CMKLR1: variants seen among roughly 807,000 people sequenced by gnomAD.
CMKLR1 encodes the protein chemerin chemokine-like receptor 1, also known as chemerin-like receptor 1.
Under a neutral mutation model 8.2 loss-of-function variants are expected in CMKLR1, and 6 were observed. That is an observed-to-expected ratio of 0.73 (90% CI 0.40 to 1.44). The LOEUF (loss-of-function observed/expected upper bound fraction) is 1.44, where lower values mean the gene tolerates loss of function less well. Among genes scored for constraint, CMKLR1 ranks in the 40% most tolerant of loss-of-function variants. The pLI is 0.02. For synonymous variants in CMKLR1, 178 were observed against 181.2 expected (o/e 0.98, Z 0.14); for missense variants, 429 against 478.0 (o/e 0.90, Z 0.96).
At chr12:108,306,169 C>T (rs769539212) in intron 2 of CMKLR1, among the ~76,000 whole-genome samples, 1 of 152,186 alleles carries the variant, frequency 6.6e-6, no homozygotes, top group Admixed American at 6.5e-5. Flanking sequence ...CAACTGCAGG[C>T]GTGGAGCGTG....
intron 2 of CMKLR1, among the ~76,000 whole-genome samples, chr12:108,296,824 A>C (rs904664621): frequency 7.2e-6 from 1 of 139,100 alleles, no homozygotes; most frequent in African/African-American, 2.9e-5. Flanking sequence ...GACTGTCTTC[A>C]AAAAAAAAAA....
chr12:108,319,303 G>A (rs776757674), intron 2 of CMKLR1, among the ~76,000 whole-genome samples: 1 of 152,120 alleles, frequency 6.6e-6, no homozygotes, highest in Non-Finnish European at 1.5e-5. Context: ...CAACATTGAG[G>A]ACCACCCCTA....
intron 2 of CMKLR1, among the ~76,000 whole-genome samples, chr12:108,298,850 C>A (rs1891198092): frequency 6.6e-6 from 1 of 152,210 alleles, no homozygotes; most frequent in South Asian, 2.1e-4. Flanking sequence ...GCTCTTATCC[C>A]CCTGAGTCAG....
At chr12:108,327,309 C>T (rs761453688) in intron 2 of CMKLR1, among the ~76,000 whole-genome samples, 16 of 152,288 alleles carry the variant, frequency 1.1e-4, no homozygotes, top group Non-Finnish European at 2.1e-4. Flanking sequence ...GAGACCCTGT[C>T]TCTATGAAAC....
chr12:108,321,589 C>T (rs2137331586), intron 2 of CMKLR1, among the ~76,000 whole-genome samples: 1 of 152,322 alleles, frequency 6.6e-6, no homozygotes, highest in South Asian at 2.1e-4. Context: ...CACCCTAACA[C>T]AGAACGTGCA....
At chr12:108,336,158 G>A (rs560261789) in intron 1 of CMKLR1, among the ~76,000 whole-genome samples, 1 of 152,304 alleles carries the variant, frequency 6.6e-6, no homozygotes, top group South Asian at 2.1e-4. Flanking sequence ...CTCAAGTTTT[G>A]GGGTGCATCT....
chr12:108,316,444 G>C (rs949728675), intron 2 of CMKLR1, among the ~76,000 whole-genome samples: 3 of 152,154 alleles, frequency 2.0e-5, no homozygotes, highest in Non-Finnish European at 4.4e-5. Flanking sequence ...GAGGAGAGAC[G>C]CACAGGGACT....
At chr12:108,295,951 G>A (rs947009763) in intron 2 of CMKLR1, among the ~76,000 whole-genome samples, 6 of 152,124 alleles carry the variant, frequency 3.9e-5, no homozygotes, top group African/African-American at 1.2e-4. Context: ...ACATCCTCTG[G>A]GCATGTCCCT....
At chr12:108,330,904 C>G (rs1452043958) in intron 1 of CMKLR1, among the ~76,000 whole-genome samples, 1 of 152,160 alleles carries the variant, frequency 6.6e-6, no homozygotes, top group East Asian at 1.9e-4. Flanking sequence ...ATCCCAAGAG[C>G]CTTCCAGGTC....
At chr12:108,325,578 C>T (rs888386072) in intron 2 of CMKLR1, among the ~76,000 whole-genome samples, 5 of 152,072 alleles carry the variant, frequency 3.3e-5, no homozygotes, top group African/African-American at 1.2e-4. Context: ...AGAAATAAAA[C>T]ATACCCTCCC....
chr12:108,288,125 A>C lies in CMKLR1; in HGVS notation c.*3716T>G, dbSNP rs1890854134. 6.6e-6 allele frequency: 1 copy of C among 152,202 alleles called. No homozygotes were observed. Among genetic ancestry groups the C allele is most frequent in the South Asian group, 2.1e-4 (1 of 4,824 alleles). 9.4% of individuals were successfully genotyped at this position (152,202 alleles called of 1,614,324 possible). On this transcript the variant is annotated 3_prime_UTR_variant, in exon 4 of 4. Coordinates refer to ENST00000550402, the MANE Select transcript of CMKLR1 (RefSeq NM_001142343.2). ...AAGACCCCCTGCTGAATTATTTCAC[A>C]GTAGAAATAGTAGATTCCTCTCTGG...
intron 2 of CMKLR1, among the ~76,000 whole-genome samples, chr12:108,297,495 T>G (rs1392750831): frequency 6.6e-6 from 1 of 152,170 alleles, no homozygotes; most frequent in Non-Finnish European, 1.5e-5. Context: ...TGTTCAAGGG[T>G]CCAGTGTACA....
intron 1 of CMKLR1, among the ~76,000 whole-genome samples, chr12:108,335,863 C>G (rs1390093508): frequency 2.2e-4 from 34 of 152,200 alleles, no homozygotes; most frequent in Admixed American, 2.2e-3. Flanking sequence ...ATAAGACTTT[C>G]ATTTGTGGAA....
chr12:108,336,407 G>A (rs180846870), intron 1 of CMKLR1, among the ~76,000 whole-genome samples: 324 of 152,282 alleles, frequency 2.1e-3, no homozygotes, highest in African/African-American at 7.2e-3. Flanking sequence ...TTAGCCGGGC[G>A]GGGTGGTGGG....
chr12:108,335,709 G>A (rs1386434863), intron 1 of CMKLR1, among the ~76,000 whole-genome samples: 1 of 152,214 alleles, frequency 6.6e-6, no homozygotes, highest in Non-Finnish European at 1.5e-5. Flanking sequence ...AGGAGTTGCA[G>A]TTTCCTGCCT....
chr12:108,325,535 T>C (rs1007664547), intron 2 of CMKLR1, among the ~76,000 whole-genome samples: 13 of 152,082 alleles, frequency 8.5e-5, no homozygotes, highest in African/African-American at 2.9e-4. Flanking sequence ...AATATTTAAA[T>C]AGCTGGCTGT....
intron 2 of CMKLR1, among the ~76,000 whole-genome samples, chr12:108,308,544 T>A (rs1891468019): frequency 6.6e-6 from 1 of 152,132 alleles, no homozygotes; most frequent in South Asian, 2.1e-4. Context: ...ACTGTTCCCC[T>A]CCAGGGCTCC....
At chr12:108,335,084 T>C (rs1485350471) in intron 1 of CMKLR1, among the ~76,000 whole-genome samples, 1 of 152,234 alleles carries the variant, frequency 6.6e-6, no homozygotes, top group South Asian at 2.1e-4. Flanking sequence ...TTAACTAAGA[T>C]TGACTAATGG....
intron 2 of CMKLR1, among the ~76,000 whole-genome samples, chr12:108,320,844 C>T (rs1891845249): frequency 6.6e-6 from 1 of 152,214 alleles, no homozygotes; most frequent in Admixed American, 6.5e-5. Context: ...TTCAAAGAAA[C>T]ACAGTCCAGC....
Sources: gnomAD v4.1 joint callset for allele counts (sites outside exome capture counted in the v4.1 genomes callset) on GRCh38, gnomAD v4.1.1 for gene constraint, MANE v1.5 for transcripts, NCBI Gene and HGNC (gene_info 2026-07-23, HGNC 2026-07-21) for gene names.